ST18: variants seen among roughly 807,000 people sequenced by gnomAD.
ST18 encodes the protein ST18 C2H2C-type zinc finger transcription factor.
ST18 carries 50 observed loss-of-function variants against 110.0 expected under a neutral mutation model. That is an observed-to-expected ratio of 0.45 (90% CI 0.36 to 0.58). The LOEUF is 0.58. Ranked by LOEUF, ST18 falls within the 20% of genes least tolerant of loss-of-function variation. The pLI, the probability that ST18 is intolerant of heterozygous loss-of-function variation, is 0.00. For missense variants in ST18, 1,306 were observed against 1,280.1 expected, an observed-to-expected ratio of 1.02 and a Z score of -0.31; for synonymous variants, 461 against 452.4, an observed-to-expected ratio of 1.02 and a Z score of -0.24.
chr8:52,139,755 A>T (rs1458910568), intron 17 of ST18, among the ~76,000 whole-genome samples: 1 of 150,490 alleles, frequency 6.6e-6, no homozygotes, highest in African/African-American at 2.4e-5. Flanking sequence ...ATAAAATATG[A>T]TAATGAAATA....
At chr8:52,372,272 G>A (rs1830547414) in intron 2 of ST18, among the ~76,000 whole-genome samples, 1 of 152,002 alleles carries the variant, frequency 6.6e-6, no homozygotes, top group Non-Finnish European at 1.5e-5. Context: ...GCAGAATAAA[G>A]ATGTAAAGAA....
At chr8:52,197,109 G>A (rs145029469) in intron 8 of ST18, among the ~76,000 whole-genome samples, 9 of 152,216 alleles carry the variant, frequency 5.9e-5, no homozygotes, top group Non-Finnish European at 8.8e-5. Flanking sequence ...ATTCTACTTC[G>A]GCTCTCAGTG....
chr8:52,253,913 T>C (rs17222808), intron 2 of ST18, among the ~76,000 whole-genome samples: 5,185 of 152,192 alleles, frequency 0.034, 135 homozygotes, highest in Admixed American at 0.091. Context: ...TATTCTGAAA[T>C]TCTTCTCAAA....
intron 10 of ST18, among the ~76,000 whole-genome samples, chr8:52,171,020 T>C (rs868583916): frequency 1.3e-5 from 2 of 152,126 alleles, no homozygotes; most frequent in East Asian, 3.8e-4. Flanking sequence ...AAGAATCACC[T>C]GGAAACTTAG....
intron 8 of ST18, among the ~76,000 whole-genome samples, chr8:52,198,798 C>T (rs748087077): frequency 6.6e-6 from 1 of 152,222 alleles, no homozygotes; most frequent in Non-Finnish European, 1.5e-5. Context: ...TAGAGAAGCA[C>T]TCAACTGACA....
intron 2 of ST18, among the ~76,000 whole-genome samples, chr8:52,349,177 C>G (rs75563799): frequency 6.6e-6 from 1 of 152,120 alleles, no homozygotes; most frequent in African/African-American, 2.4e-5. Context: ...TTGACAATAT[C>G]TCCTTCTTCT....
intron 2 of ST18, among the ~76,000 whole-genome samples, chr8:52,318,216 A>T (rs1322404276): frequency 2.0e-5 from 3 of 152,174 alleles, no homozygotes; most frequent in Non-Finnish European, 4.4e-5. Context: ...AAAAACAAAC[A>T]ACCCCGTTAA....
At chr8:52,311,998 T>G (rs950869125) in intron 2 of ST18, among the ~76,000 whole-genome samples, 24 of 152,228 alleles carry the variant, frequency 1.6e-4, no homozygotes, top group African/African-American at 5.5e-4. Context: ...TGCTTATTGC[T>G]ATTTAAACAC....
chr8:52,350,980 A>AT (rs996845325), intron 2 of ST18, among the ~76,000 whole-genome samples: 4 of 152,030 alleles, frequency 2.6e-5, no homozygotes, highest in African/African-American at 9.7e-5. Flanking sequence ...TCGGCCTCCC[A>AT]AAGTGCTGGG....
intron 15 of ST18, among the ~76,000 whole-genome samples, chr8:52,153,474 A>C (rs935877540): frequency 1.3e-5 from 2 of 152,224 alleles, no homozygotes; most frequent in African/African-American, 4.8e-5. Flanking sequence ...ATATGTTTTC[A>C]AAGTAGGCAG....
intron 2 of ST18, among the ~76,000 whole-genome samples, chr8:52,321,229 C>A (rs531594400): frequency 1.3e-5 from 2 of 152,106 alleles, no homozygotes; most frequent in South Asian, 2.1e-4. Flanking sequence ...GACAAGGGGG[C>A]GTGGCCAGGG....
At chr8:52,123,438 G>A (rs768569033) in intron 23 of ST18, among the ~76,000 whole-genome samples, 3 of 152,150 alleles carry the variant, frequency 2.0e-5, no homozygotes, top group African/African-American at 7.2e-5. Flanking sequence ...TAAGGTAAGG[G>A]ATCATGAAAC....
In ST18 at chr8:52,220,967, T is replaced by C. The variant is rs530798118; in HGVS notation, c.-264-119A>G. Reference sequence around the variant, plus strand: ...GTGTTGACACTTATCTATAGTTTGATTGTACTACAGTAGAAATAGAATGAC... The same window carrying C: ...GTGTTGACACTTATCTATAGTTTGACTGTACTACAGTAGAAATAGAATGAC... On this transcript the variant is annotated intron_variant, in intron 4 of 25. Coordinates refer to ENST00000689386, the MANE Select transcript of ST18 (RefSeq NM_001352837.2). 7 of 152,342 alleles carry C rather than the reference T, an allele frequency of 4.6e-5. 1 individual carries two copies. The South Asian group carries it at 8.3e-4, about 18-fold the overall frequency. The allele number at this position is 152,342 out of a possible 1,614,324, so 9.4% of individuals were successfully genotyped here.
chr8:52,132,150 C>G lies in ST18; in HGVS notation c.2474G>C (p.Gly825Ala). Reference protein sequence around the residue: ...KCPVIGCDGQGHISGKYTSHR... With the variant: ...KCPVIGCDGQAHISGKYTSHR... ...TGATGTGTATTTACCTGATATGTGA[C>G]CTTGGCCATCACACCCTATCACAGG... The change falls in exon 22 of 26, where the codon GGT (glycine) becomes GCT (alanine). Residue 825 changes from glycine to alanine, a missense_variant. Coordinates refer to ENST00000689386, the MANE Select transcript of ST18 (RefSeq NM_001352837.2). The G allele has an allele frequency of 6.2e-7, 1 of 1,613,494 alleles. No individual in the cohort carries two copies. Among genetic ancestry groups the G allele is most frequent in the Non-Finnish European group, 8.5e-7 (1 of 1,179,952 alleles).
intron 9 of ST18, among the ~76,000 whole-genome samples, chr8:52,178,485 G>A (rs1295442121): frequency 6.6e-6 from 1 of 150,454 alleles, no homozygotes; most frequent in African/African-American, 2.4e-5. Context: ...AAATTAGCTG[G>A]GTGTGGCTGT....
chr8:52,406,257 T>C (rs915185502), intron 2 of ST18: 7 of 152,220 alleles, frequency 4.6e-5, no homozygotes, highest in African/African-American at 1.4e-4. Context: ...AATTACTCCC[T>C]CCTCTGTTCT....
Position 52,281,026 on chromosome 8 carries a change from A to G in ST18, c.-464-50949T>C, listed in dbSNP as rs1021109896. On this transcript the variant is annotated intron_variant, in intron 2 of 25. Transcript: ENST00000689386. ...GTAATTAAGTTAGAAATCAATAACA[A>G]AGAGTAAGTTAAAACCACACATTAA... 7.2e-5 allele frequency among the ~76,000 whole-genome samples: 11 copies of G among 152,288 alleles called. 1 individual carries two copies. Among genetic ancestry groups the G allele is most frequent in the East Asian group, 5.8e-4 (3 of 5,192 alleles).
rs771370863 is a variant in ST18 at position 52,142,908 on chromosome 8, C to T, written c.2168+22G>A. 8.1e-6 allele frequency: 12 copies of T among 1,484,568 alleles called. No individual in the cohort carries two copies. In the Admixed American group the frequency reaches 1.9e-4, roughly 23 times the overall value. The allele number at this position is 1,484,568 out of a possible 1,614,324, so 92.0% of individuals were successfully genotyped here. On this transcript the variant is annotated intron_variant, in intron 17 of 25. Transcript: ENST00000689386. ...ATCTTCATTCCAGAATCTTAGAGGG[C>T]ATGGCATTGGGCACCACTTACGTGA...
chr8:52,229,794 C>T (rs748402072), intron 3 of ST18: 4 of 152,122 alleles, frequency 2.6e-5, no homozygotes, highest in African/African-American at 7.2e-5. Flanking sequence ...CATATTAATG[C>T]CCCTAATATC....
Sources: gnomAD v4.1 joint callset for allele counts (sites outside exome capture counted in the v4.1 genomes callset) on GRCh38, gnomAD v4.1.1 for gene constraint, MANE v1.5 for transcripts, NCBI Gene and HGNC (gene_info 2026-07-23, HGNC 2026-07-21) for gene names.